The following POLR2F variants were observed in gnomAD, a reference collection of about 807,000 sequenced individuals.
POLR2F encodes RNA polymerase II, I and III subunit F, also known as DNA-directed RNA polymerases I, II, and III subunit RPABC2.
POLR2F carries 12 observed loss-of-function variants against 22.7 expected under a neutral mutation model. The ratio of observed to expected loss-of-function variants is 0.53; its 90% confidence interval spans 0.34 to 0.86. The LOEUF (loss-of-function observed/expected upper bound fraction) is 0.86, where lower values mean the gene tolerates loss of function less well. POLR2F is among the 40% of genes least tolerant of loss of function. The pLI, the probability that POLR2F is intolerant of heterozygous loss-of-function variation, is 0.02. For missense variants in POLR2F, 126 were observed against 171.5 expected (o/e 0.73, Z 1.48); for synonymous variants, 57 against 66.0 (o/e 0.86, Z 0.66).
rs139190779 is a variant in POLR2F, at chr22:38,021,880, C to T, written c.121-3989C>T. On this transcript the variant is annotated intron_variant, in intron 1 of 2. Transcript: ENST00000333418. Reference sequence around the variant, plus strand: ...GGCGCAGTAGCTCACGTCTGTAATCCCAGTACTTTGGGGCCCAAGGCGGGC... The same window carrying T: ...GGCGCAGTAGCTCACGTCTGTAATCTCAGTACTTTGGGGCCCAAGGCGGGC... Among the ~76,000 whole-genome samples, 341 of 151,120 alleles carry T rather than the reference C, an allele frequency of 2.3e-3. 3 individuals are homozygous for T. The East Asian group carries it at 0.032, about 14-fold the overall frequency.
chr22:37,953,865 G>A, intron 1 of POLR2F, 58 bp downstream of exon 1: 2 of 1,574,662 alleles, frequency 1.3e-6, no homozygotes, highest in Non-Finnish European at 1.7e-6. Context: ...GATGAGGCAA[G>A]GCTTGGGTCG....
In POLR2F at chr22:37,953,727, C is replaced by A. The variant is rs937445479; in HGVS notation, c.-61C>A. On this transcript the variant is annotated 5_prime_UTR_variant, in exon 1 of 5. Transcript: ENST00000442738. ...CTAGGAGCCGCGCGAGTCGTAGTGT[C>A]GCTGTTTGCGGGTCTCCGCGCGGGA... 1.3e-5 allele frequency: 21 copies of A among 1,581,258 alleles called. 1 individual carries two copies. In the Admixed American group the frequency reaches 3.3e-4, roughly 25 times the overall value.
chr22:37,975,945 A>G (rs1376527268), intron 4 of POLR2F, among the ~76,000 whole-genome samples: 1 of 152,062 alleles, frequency 6.6e-6, no homozygotes. Context: ...CTATATATAT[A>G]GTAAGAGATA....
intron 3 of POLR2F, among the ~76,000 whole-genome samples, chr22:37,961,737 T>C (rs1442540036): frequency 6.6e-6 from 1 of 152,090 alleles, no homozygotes; most frequent in Non-Finnish European, 1.5e-5. Flanking sequence ...CCCCCCAGGC[T>C]CACCTGTCAG....
downstream of POLR2F, among the ~76,000 whole-genome samples, chr22:38,027,298 C>T (rs1289832906): frequency 1.3e-5 from 2 of 152,078 alleles, no homozygotes; most frequent in African/African-American, 4.8e-5. Context: ...ACGCTGAGTT[C>T]GTGTTCTTCT....
At chr22:38,030,277 C>T (rs977243911), downstream of POLR2F, among the ~76,000 whole-genome samples, 1 of 152,036 alleles carries the variant, frequency 6.6e-6, no homozygotes, top group Non-Finnish European at 1.5e-5. Flanking sequence ...AGCCAGGAGT[C>T]GGGCCCTCTG....
At chr22:38,040,839 G>A (rs550724688) in intron 5 of POLR2F, 8 of 613,762 alleles carry the variant, frequency 1.3e-5, no homozygotes, top group Middle Eastern at 6.6e-4. Flanking sequence ...TCCTGCACAC[G>A]GTCAGCGCTC....
At position 38,016,426 on chromosome 22, in the gene POLR2F, C is replaced by G. The variant is rs964078894; in HGVS notation, c.121-9443C>G. Among the ~76,000 whole-genome samples the G allele has an allele frequency of 2.6e-5, 4 of 152,224 alleles. No homozygotes were observed. The highest frequency in any genetic ancestry group is 6.5e-5 in the Admixed American group (1 of 15,288). ...ACACACGCCCCCATCCGCCACCTCC[C>G]AGAGAAGGGACCATTGTGTCCGAAG... On this transcript the variant is annotated intron_variant, in intron 1 of 2. Coordinates refer to the POLR2F transcript ENST00000333418. This position sits in a 1 kb window ranked among gnomAD's most constrained non-coding sequence, Gnocchi z 4.4.
chr22:37,959,299 CA>C (rs1159454622), intron 2 of POLR2F, 46 bp from the exon 3 acceptor site: 2 of 1,604,404 alleles, frequency 1.2e-6, no homozygotes, highest in South Asian at 1.1e-5. Flanking sequence ...CCCTGTAACC[CA>C]AAAGTGCCAC....
rs377277123 is a variant in POLR2F, at chr22:37,993,711, C to T, written c.120+7399C>T. Among the ~76,000 whole-genome samples, 18 of 152,248 alleles carry T rather than the reference C, an allele frequency of 1.2e-4. No individual in the cohort carries two copies. In the East Asian group the frequency reaches 1.7e-3, roughly 15 times the overall value. ...GCCATGTCACAAGGATAAAAAGGGCCGGGCACAGTGGCTCACGACTGTAAT... is the reference window on the plus strand; with the variant it reads ...GCCATGTCACAAGGATAAAAAGGGCTGGGCACAGTGGCTCACGACTGTAAT... On this transcript the variant is annotated intron_variant, in intron 1 of 2. Transcript: ENST00000333418.
downstream of POLR2F, among the ~76,000 whole-genome samples, chr22:38,027,625 CA>C (rs1471194635): frequency 6.6e-6 from 1 of 152,204 alleles, no homozygotes; most frequent in Non-Finnish European, 1.5e-5. Flanking sequence ...TGGCCCCCAA[CA>C]ATCCTCATTT....
At chr22:37,994,237 C>T (rs1385289326) in intron 1 of POLR2F, among the ~76,000 whole-genome samples, 13 of 152,108 alleles carry the variant, frequency 8.5e-5, no homozygotes, top group Non-Finnish European at 7.4e-5. Context: ...TCAGGGGCTT[C>T]GGTTCACACA....
intron 1 of POLR2F, among the ~76,000 whole-genome samples, chr22:37,954,168 G>A (rs757038826): frequency 1.2e-4 from 19 of 152,128 alleles, no homozygotes; most frequent in Non-Finnish European, 2.2e-4. Context: ...CCATAAGTAA[G>A]CAAGCAAGCA....
chr22:37,997,130 A>G lies in POLR2F; in HGVS notation c.120+10818A>G, dbSNP rs898102838. Among the ~76,000 whole-genome samples the G allele has an allele frequency of 2.0e-5, 3 of 151,988 alleles. No homozygotes were observed. Among genetic ancestry groups the G allele is most frequent in the Admixed American group, 6.5e-5 (1 of 15,278 alleles). The stretch of plus-strand genomic sequence containing the variant: ...TGCCTGGGGAGGGTGTGTGCTGTGG[A>G]CCTGCCAGGAACAAACACAGAGGGG... On this transcript the variant is annotated intron_variant, in intron 1 of 2. Transcript: ENST00000333418. This position sits in a 1 kb window ranked among gnomAD's most constrained non-coding sequence, Gnocchi z 4.4.
At chr22:37,958,187 CTTTT>C (rs555979060) in intron 2 of POLR2F, among the ~76,000 whole-genome samples, 1 of 133,292 alleles carries the variant, frequency 7.5e-6, no homozygotes, top group Non-Finnish European at 1.6e-5. Context: ...TCAGAGTCAA[CTTTT>C]TTTTTTTTTT....
intron 5 of POLR2F, among the ~76,000 whole-genome samples, chr22:38,035,818 C>T (rs752170941): frequency 6.6e-6 from 1 of 152,172 alleles, no homozygotes; most frequent in Non-Finnish European, 1.5e-5. Flanking sequence ...TGCAGCCTCA[C>T]GTCTCAGAGC....
chr22:38,027,417 T>C (rs934092997), downstream of POLR2F, among the ~76,000 whole-genome samples: 7 of 152,146 alleles, frequency 4.6e-5, no homozygotes, highest in Non-Finnish European at 1.0e-4. Context: ...AGGAGGTCTC[T>C]GTCCTCTGCT....
intron 1 of POLR2F, among the ~76,000 whole-genome samples, chr22:37,992,910 G>A (rs1330048796): frequency 6.6e-6 from 1 of 152,200 alleles, no homozygotes; most frequent in Non-Finnish European, 1.5e-5. Context: ...TTGTTCCCAG[G>A]GTTCCTGGGG....
intron 1 of POLR2F, among the ~76,000 whole-genome samples, chr22:37,994,621 C>G (rs2084695024): frequency 6.6e-6 from 1 of 152,138 alleles, no homozygotes; most frequent in African/African-American, 2.4e-5. Context: ...CGGGTTCATG[C>G]CATTCTCCTG....
Sources: allele counts gnomAD v4.1 joint callset (sites outside exome capture counted in the v4.1 genomes callset), GRCh38; gene constraint gnomAD v4.1.1; non-coding constraint Gnocchi (gnomAD v3.1); transcripts MANE v1.5; gene names NCBI Gene and HGNC (gene_info 2026-07-23, HGNC 2026-07-21).